UACA: variants seen among roughly 807,000 people sequenced by gnomAD.
UACA encodes the protein nuclear membrane binding protein.
In UACA, 112 loss-of-function variants were observed where a neutral mutation model predicts 160.5. The observed-to-expected ratio is 0.70, with a 90% CI of 0.60 to 0.82. The LOEUF (loss-of-function observed/expected upper bound fraction) is 0.82. UACA is among the 40% of genes least tolerant of loss of function. The probability of loss-of-function intolerance (pLI) is 0.00; values close to 1 mark genes in which losing one functional copy is unlikely to be tolerated. For synonymous variants in UACA, 557 were observed against 568.4 expected (o/e 0.98, Z 0.29); for missense variants, 1,574 against 1,614.6 (o/e 0.97, Z 0.43).
chr15:70,683,370 A>G (rs978676103), intron 8 of UACA, among the ~76,000 whole-genome samples: 1 of 152,052 alleles, frequency 6.6e-6, no homozygotes, highest in Non-Finnish European at 1.5e-5. Flanking sequence ...AAAAAAAAAG[A>G]GGGGAAGAAA....
chr15:70,726,038 C>T (rs1001730932), intron 1 of UACA, among the ~76,000 whole-genome samples: 16 of 152,054 alleles, frequency 1.1e-4, no homozygotes, highest in African/African-American at 3.9e-4. Context: ...TGACTTTAAA[C>T]ATCTGAATCT....
intron 1 of UACA, among the ~76,000 whole-genome samples, chr15:70,753,271 GA>G (rs1239373612): frequency 4.6e-5 from 7 of 152,108 alleles, no homozygotes; most frequent in African/African-American, 1.7e-4. Context: ...CAAAAACATG[GA>G]TTAAGCCAAA....
intron 18 of UACA, among the ~76,000 whole-genome samples, 192 bp downstream of exon 18, chr15:70,659,959 T>G (rs1055042423): frequency 6.6e-6 from 1 of 152,148 alleles, no homozygotes; most frequent in Non-Finnish European, 1.5e-5. Flanking sequence ...TAAGATGTTG[T>G]GTTGCCATAT....
chr15:70,690,101 C>T (rs1897875191), intron 5 of UACA, among the ~76,000 whole-genome samples: 1 of 151,876 alleles, frequency 6.6e-6, no homozygotes, highest in South Asian at 2.1e-4. Context: ...TCCCATTTCT[C>T]CAATTCCCAA....
intron 17 of UACA, among the ~76,000 whole-genome samples, chr15:70,662,751 A>C (rs1896756977): frequency 6.6e-6 from 1 of 152,256 alleles, no homozygotes; most frequent in Non-Finnish European, 1.5e-5. Flanking sequence ...GACAAAAACA[A>C]GAAATGGGGA....
At chr15:70,702,614 C>T (rs1036384113) in intron 1 of UACA, among the ~76,000 whole-genome samples, 7 of 152,298 alleles carry the variant, frequency 4.6e-5, no homozygotes, top group African/African-American at 1.4e-4. Context: ...GTCTTAGGAT[C>T]ATCTAACATG....
At position 70,670,055 on chromosome 15, in the gene UACA, G is replaced by C. The variant is rs79660865; in HGVS notation, c.1222-593C>G. ...CAGCTAGTTATCAGAGTTGTCAAGA[G>C]AATGATTGGTCACAGCCAGCACCAG... On this transcript the variant is annotated intron_variant, in intron 15 of 18. Transcript: ENST00000322954. Among the ~76,000 whole-genome samples the C allele has an allele frequency of 5.3e-3, 803 of 152,252 alleles. 9 individuals are homozygous for C. Among genetic ancestry groups the C allele is most frequent in the African/African-American group, 0.019 (778 of 41,548 alleles).
In UACA at chr15:70,667,423, C is replaced by A; in HGVS notation, c.3261G>T (p.Glu1087Asp). 6.2e-7 allele frequency: 1 copy of A among 1,610,688 alleles called. No individual in the cohort carries two copies. Among genetic ancestry groups the A allele is most frequent in the South Asian group, 1.1e-5 (1 of 90,670 alleles). ...GTTTGGCATTTTCTTCTACTAGCTT[C>A]TCTTTCACATTCTTTACTTCCGTGT... ...QKYTEVKNVKEKLVEENAKQT... is the reference protein window; with the variant it reads ...QKYTEVKNVKDKLVEENAKQT... The change falls in exon 16 of 19, where the codon GAG becomes GAT. Residue 1087 changes from glutamate (E) to aspartate (D), a missense_variant. Coordinates refer to ENST00000322954, the MANE Select transcript of UACA (RefSeq NM_018003.4).
intron 1 of UACA, among the ~76,000 whole-genome samples, chr15:70,748,113 C>T (rs1257542181): frequency 6.6e-6 from 1 of 152,006 alleles, no homozygotes; most frequent in East Asian, 1.9e-4. Context: ...CAAGGTGGGG[C>T]AGTCTGCAAG....
At chr15:70,761,061 T>C (rs903004417) in intron 1 of UACA, among the ~76,000 whole-genome samples, 3 of 152,092 alleles carry the variant, frequency 2.0e-5, no homozygotes, top group African/African-American at 7.2e-5. Context: ...AATATGAATA[T>C]TAATCACAGA....
intron 1 of UACA, among the ~76,000 whole-genome samples, chr15:70,737,498 G>C (rs1899405030): frequency 6.6e-6 from 1 of 152,114 alleles, no homozygotes; most frequent in Non-Finnish European, 1.5e-5. Flanking sequence ...CCTGAGGTCA[G>C]GAGTTCAAGA....
intron 3 of UACA, among the ~76,000 whole-genome samples, chr15:70,692,598 C>T: frequency 6.6e-6 from 1 of 152,018 alleles, no homozygotes; most frequent in Admixed American, 6.6e-5. Flanking sequence ...AGTGAAATCC[C>T]ATCTCTACAA....
chr15:70,699,940 C>T (rs2140967135), intron 1 of UACA, among the ~76,000 whole-genome samples: 1 of 151,872 alleles, frequency 6.6e-6, no homozygotes, highest in African/African-American at 2.4e-5. Context: ...GCCTTTGAGG[C>T]AAAAAAGGAA....
chr15:70,666,298 C>G (rs546304087), intron 16 of UACA, among the ~76,000 whole-genome samples: 1 of 152,162 alleles, frequency 6.6e-6, no homozygotes, highest in Non-Finnish European at 1.5e-5. Flanking sequence ...AGCAACAGAA[C>G]ATAAAATGAA....
intron 13 of UACA, among the ~76,000 whole-genome samples, chr15:70,672,752 A>C (rs957360677): frequency 3.3e-5 from 5 of 152,166 alleles, no homozygotes; most frequent in Admixed American, 3.3e-4. Context: ...TGAGCCCAGG[A>C]GTTCAAGACC....
At chr15:70,722,388 G>A (rs924926021) in intron 1 of UACA, among the ~76,000 whole-genome samples, 3 of 151,824 alleles carry the variant, frequency 2.0e-5, no homozygotes, top group Non-Finnish European at 4.4e-5. Context: ...CACCACAGTA[G>A]CTCATCATGG....
chr15:70,669,192 C>G lies in UACA; in HGVS notation c.1492G>C (p.Ala498Pro). The change falls in exon 16 of 19, where the codon GCA becomes CCA. Residue 498 changes from alanine (A) to proline (P), a missense_variant. By Grantham distance (27) the Ala-to-Pro change is conservative. Transcript: ENST00000322954. Reference sequence around the variant, plus strand: ...ATCCTCTTCTGCACATCTTTTAATGCATCTTCTAATTGCTTTATCTGTTCA... The same window carrying G: ...ATCCTCTTCTGCACATCTTTTAATGGATCTTCTAATTGCTTTATCTGTTCA... ...SDEQIKQLED[A>P]LKDVQKRMYE... 1.2e-6 allele frequency: 2 copies of G among 1,613,996 alleles called. No individual in the cohort carries two copies. Among genetic ancestry groups the G allele is most frequent in the Non-Finnish European group, 1.7e-6 (2 of 1,179,992 alleles).
At position 70,684,397 on chromosome 15, in the gene UACA, C is replaced by T. The variant is rs780161131; in HGVS notation, c.652G>A (p.Val218Ile). The change falls in exon 8 of 19, where the codon GTC becomes ATC. Residue 218 changes from valine (V) to isoleucine (I), a missense_variant. Coordinates refer to ENST00000322954, the MANE Select transcript of UACA (RefSeq NM_018003.4). ...ATATCAGCACCATTTTTAATTAAGA[C>T]TTCTACTGCATCTCTGCAACCATAT... is the stretch of plus-strand genomic sequence containing the variant. Reference protein sequence around the residue: ...CEYGCRDAVEVLIKNGADISL... With the variant: ...CEYGCRDAVEILIKNGADISL... 3.7e-6 allele frequency: 6 copies of T among 1,613,714 alleles called. No homozygotes were observed. Among genetic ancestry groups the T allele is most frequent in the Non-Finnish European group, 5.1e-6 (6 of 1,179,778 alleles).
Position 70,667,139 on chromosome 15 carries a change from A to G in UACA, c.3545T>C (p.Ile1182Thr). Residue 1182 changes from isoleucine (I) to threonine (T), a missense_variant, in exon 16 of 19, where the codon ATC becomes ACC. Physicochemically the swap from Ile to Thr is moderately conservative, Grantham distance 89. Transcript: ENST00000322954. ...IKEAFEKEVG[I>T]IKASLREKEE... Reference sequence around the variant, plus strand: ...CTTTTCTCTCAAGCTGGCTTTTATGATTCCAACTTCTTTCTCAAATGCTTC... The same window carrying G: ...CTTTTCTCTCAAGCTGGCTTTTATGGTTCCAACTTCTTTCTCAAATGCTTC... 3 of 1,613,480 alleles carry G rather than the reference A, an allele frequency of 1.9e-6. No homozygotes were observed. The highest frequency in any genetic ancestry group is 2.5e-6 in the Non-Finnish European group (3 of 1,179,910).
Sources: gnomAD v4.1 joint callset for allele counts (sites outside exome capture counted in the v4.1 genomes callset) on GRCh38, gnomAD v4.1.1 for gene constraint, MANE v1.5 for transcripts, NCBI Gene and HGNC (gene_info 2026-07-23, HGNC 2026-07-21) for gene names.